Variants in TTLL1 observed in about 807,000 individuals in gnomAD.
The protein encoded by TTLL1 is polyglutamylase complex subunit TTLL1.
Under a neutral mutation model 47.8 loss-of-function variants are expected in TTLL1, and 33 were observed. The observed-to-expected ratio is 0.69, with a 90% CI of 0.52 to 0.92. TTLL1 has a LOEUF of 0.92. Ranked by LOEUF, TTLL1 falls within the 40% of genes least tolerant of loss-of-function variation. TTLL1 has a pLI of 0.00. For missense variants in TTLL1, 488 were observed against 547.5 expected, an observed-to-expected ratio of 0.89 and a Z score of 1.08; for synonymous variants, 225 against 214.1, an observed-to-expected ratio of 1.05 and a Z score of -0.45.
chr22:43,069,892 C>T (rs1212488337), intron 3 of TTLL1, 48 bp from the exon 4 acceptor site: 1 of 1,605,286 alleles, frequency 6.2e-7, no homozygotes, highest in African/African-American at 1.3e-5. Flanking sequence ...GTCTGTGTGG[C>T]AGAAGTCCTT....
chr22:43,049,597 T>G (rs866802446), intron 9 of TTLL1, among the ~76,000 whole-genome samples: 14 of 84,890 alleles, frequency 1.6e-4, no homozygotes, highest in Admixed American at 2.9e-4. Context: ...AGACCCCATC[T>G]CCACAAAAAA....
At chr22:43,045,074 G>A (rs1926005119) in intron 10 of TTLL1, among the ~76,000 whole-genome samples, 1 of 152,130 alleles carries the variant, frequency 6.6e-6, no homozygotes, top group Admixed American at 6.6e-5. Context: ...TGTTGGTCAG[G>A]CTGGTCTTGA....
intron 10 of TTLL1, 26 bp from the exon 11 acceptor site, chr22:43,039,931 C>CGGCA (rs776567274): frequency 8.1e-6 from 13 of 1,607,678 alleles, no homozygotes. Flanking sequence ...GCCAGGATCA[C>CGGCA]GGCAGGCTCT....
chr22:43,084,571 G>C (rs982912367), intron 1 of TTLL1, among the ~76,000 whole-genome samples: 1 of 150,280 alleles, frequency 6.7e-6, no homozygotes, highest in East Asian at 2.0e-4. Flanking sequence ...GCGCGATCTT[G>C]GCTCACTGCA....
intron 7 of TTLL1, among the ~76,000 whole-genome samples, chr22:43,061,626 AT>A (rs369814072): frequency 3.3e-5 from 5 of 152,330 alleles, no homozygotes; most frequent in African/African-American, 9.6e-5. Context: ...CCTTTGGTTT[AT>A]GTTGGGGTGA....
In TTLL1 at chr22:43,039,733, G is replaced by T; in HGVS notation, c.*43C>A. The T allele has an allele frequency of 6.5e-7, 1 of 1,537,364 alleles. No individual in the cohort carries two copies. The highest frequency in any genetic ancestry group is 8.8e-7 in the Non-Finnish European group (1 of 1,138,032). On this transcript the variant is annotated 3_prime_UTR_variant, in exon 11 of 11. Coordinates refer to ENST00000266254, the MANE Select transcript of TTLL1 (RefSeq NM_012263.5). ...AATTTCAAAATAGGGCTTCAGCAGG[G>T]GCCCAGGTGGAGTGAGTAGTTTTGA... is the stretch of plus-strand genomic sequence containing the variant.
At chr22:43,054,162 TG>T (rs1238396533) in intron 8 of TTLL1, among the ~76,000 whole-genome samples, 1 of 152,170 alleles carries the variant, frequency 6.6e-6, no homozygotes, top group African/African-American at 2.4e-5. Flanking sequence ...GAATCAGATC[TG>T]AACTCCACAC....
intron 2 of TTLL1, among the ~76,000 whole-genome samples, chr22:43,077,831 G>T (rs1408208741): frequency 6.6e-6 from 1 of 152,204 alleles, no homozygotes; most frequent in Non-Finnish European, 1.5e-5. Flanking sequence ...TTCTGGCCGG[G>T]CGCGGTGGCT....
chr22:43,056,462 C>CT (rs1052016247), intron 8 of TTLL1, among the ~76,000 whole-genome samples: 3,893 of 103,664 alleles, frequency 0.038, 95 homozygotes, highest in East Asian at 0.057. Context: ...TTCTTCTTGT[C>CT]TTTTTTTTTT....
intron 1 of TTLL1, among the ~76,000 whole-genome samples, chr22:43,085,826 C>A (rs902641905): frequency 7.9e-5 from 12 of 152,212 alleles, no homozygotes; most frequent in African/African-American, 1.9e-4. Flanking sequence ...CAGATGGCAA[C>A]TGTTATTTCA....
intron 2 of TTLL1, among the ~76,000 whole-genome samples, chr22:43,079,618 A>C (rs1191955745): frequency 1.3e-5 from 2 of 152,184 alleles, no homozygotes; most frequent in Non-Finnish European, 2.9e-5. Context: ...GGGTGACCTC[A>C]CACCAGCCAC....
Position 43,039,915 on chromosome 22 carries a change from G to A in TTLL1, c.1143-10C>T. The A allele has an allele frequency of 1.2e-6, 2 of 1,612,392 alleles. No individual in the cohort carries two copies. The highest frequency in any genetic ancestry group is 1.7e-6 in the Non-Finnish European group (2 of 1,179,170). On this transcript the variant is annotated splice_polypyrimidine_tract_variant and intron_variant, in intron 10 of 10. Coordinates refer to ENST00000266254, the MANE Select transcript of TTLL1 (RefSeq NM_012263.5). Reference sequence around the variant, plus strand: ...CAATTCTTCATCATACCTGGAGACAGAAACAGCCAGGATCACGGCAGGCTC... The same window carrying A: ...CAATTCTTCATCATACCTGGAGACAAAAACAGCCAGGATCACGGCAGGCTC...
chr22:43,051,696 C>T, intron 9 of TTLL1, 105 bp downstream of exon 9: 2 of 1,064,734 alleles, frequency 1.9e-6, no homozygotes, highest in Non-Finnish European at 2.9e-6. Flanking sequence ...TCCTGCCTGG[C>T]CTGAGAAACA....
chr22:43,064,178 A>C lies in TTLL1; in HGVS notation c.638+12T>G, dbSNP rs1210212553. The C allele has an allele frequency of 1.9e-6, 3 of 1,605,032 alleles. No homozygotes were observed. Among genetic ancestry groups the C allele is most frequent in the Non-Finnish European group, 2.5e-6 (3 of 1,177,666 alleles). Reference sequence around the variant, plus strand: ...ACAATCAAGAGGGAACCAAAACCTTAGGGACGCTTACATGTAACAGCGCAG... The same window carrying C: ...ACAATCAAGAGGGAACCAAAACCTTCGGGACGCTTACATGTAACAGCGCAG... On this transcript the variant is annotated intron_variant, in intron 6 of 10. Transcript: ENST00000266254.
chr22:43,078,260 C>A (rs566735433), intron 2 of TTLL1, among the ~76,000 whole-genome samples: 3 of 152,164 alleles, frequency 2.0e-5, no homozygotes, highest in Non-Finnish European at 4.4e-5. Context: ...CTTTGGGAGG[C>A]TGAGGTGGGC....
intron 5 of TTLL1, among the ~76,000 whole-genome samples, chr22:43,064,745 T>C (rs568379035): frequency 6.7e-6 from 1 of 149,068 alleles, no homozygotes; most frequent in African/African-American, 2.5e-5. Flanking sequence ...AATAAGTAAA[T>C]AAATAAATAA....
chr22:43,054,835 C>T (rs1926893238), intron 8 of TTLL1, among the ~76,000 whole-genome samples: 1 of 150,004 alleles, frequency 6.7e-6, no homozygotes, highest in African/African-American at 2.5e-5. Context: ...ACGCCATTCT[C>T]CTGCCTCAGC....
intron 5 of TTLL1, 91 bp from the exon 6 acceptor site, chr22:43,064,415 T>A (rs1927595521): frequency 2.8e-6 from 4 of 1,436,870 alleles, no homozygotes; most frequent in Non-Finnish European, 2.8e-6. Flanking sequence ...AAGCCGGACT[T>A]CATTAAAATT....
At chr22:43,066,276 G>T (rs1027955797) in intron 5 of TTLL1, among the ~76,000 whole-genome samples, 1 of 152,056 alleles carries the variant, frequency 6.6e-6, no homozygotes, top group Non-Finnish European at 1.5e-5. Flanking sequence ...TGAGGGGCTG[G>T]GTCATCAGGA....
Sources: gnomAD v4.1 joint callset for allele counts (sites outside exome capture counted in the v4.1 genomes callset) on GRCh38, gnomAD v4.1.1 for gene constraint, MANE v1.5 for transcripts, NCBI Gene and HGNC (gene_info 2026-07-23, HGNC 2026-07-21) for gene names.